RAD52: variants seen among roughly 807,000 people sequenced by gnomAD.
The protein encoded by RAD52 is RAD52 DNA repair protein.
A neutral mutation model predicts 55.5 loss-of-function variants in RAD52; 47 were observed. That is an observed-to-expected ratio of 0.85 (90% CI 0.67 to 1.08). The LOEUF is 1.08. RAD52 is among the 50% of genes least tolerant of loss of function. The probability of loss-of-function intolerance (pLI) is 0.00; values close to 1 mark genes in which losing one functional copy is unlikely to be tolerated. For synonymous variants in RAD52, 184 were observed against 198.9 expected, an observed-to-expected ratio of 0.92 and a Z score of 0.63; for missense variants, 468 against 522.8, an observed-to-expected ratio of 0.90 and a Z score of 1.02.
At chr12:915,254 A>G (rs372287090) in intron 9 of RAD52, among the ~76,000 whole-genome samples, 3 of 152,264 alleles carry the variant, frequency 2.0e-5, no homozygotes, top group African/African-American at 7.2e-5. Context: ...TTCCTCCACA[A>G]TCTACCCGGG....
Position 913,153 on chromosome 12 carries a change from G to A in RAD52, c.*238C>T. On this transcript the variant is annotated 3_prime_UTR_variant, in exon 12 of 12. Coordinates refer to ENST00000358495, the MANE Select transcript of RAD52 (RefSeq NM_134424.4). ...ATAGTGGGAAGCCTCACAAGCCGAA[G>A]AAAAGGTATTCATCTGTCCAGAGCC... 1 of 433,556 alleles carries A rather than the reference G, an allele frequency of 2.3e-6. No homozygotes were observed. 26.9% of individuals were successfully genotyped at this position (433,556 alleles called of 1,614,324 possible). A position where few individuals can be genotyped will look rare whatever the true frequency, so the allele number is the denominator to read the frequency against.
At chr12:927,681 C>T (rs910722694) in intron 5 of RAD52, among the ~76,000 whole-genome samples, 1 of 152,112 alleles carries the variant, frequency 6.6e-6, no homozygotes, top group African/African-American at 2.4e-5. Context: ...GCCTGGTCAA[C>T]ATGGTGAAAC....
At position 966,894 on chromosome 12, in the gene RAD52, G is replaced by A. The variant is rs115514263; in HGVS notation, c.-19+22915C>T. 1.3e-3 allele frequency among the ~76,000 whole-genome samples: 194 copies of A among 151,714 alleles called. 3 individuals are homozygous for A. Among genetic ancestry groups the A allele is most frequent in the African/African-American group, 4.2e-3 (174 of 41,290 alleles). The stretch of plus-strand genomic sequence containing the variant: ...TAGATATTATAACATCTATTTTACT[G>A]TTGCGTCACAAGGTAAAAAAAAAAA... On this transcript the variant is annotated intron_variant, in intron 1 of 11. Transcript: ENST00000430095.
rs906968757 is a variant in RAD52 at position 912,421 on chromosome 12, G to A, written c.*970C>T. Reference sequence around the variant, plus strand: ...TACACGAAACACAGGTGAATTCCACGTTCAGACTTGGGTCCCATCCCCAAG... The same window carrying A: ...TACACGAAACACAGGTGAATTCCACATTCAGACTTGGGTCCCATCCCCAAG... On this transcript the variant is annotated 3_prime_UTR_variant, in exon 12 of 12. Coordinates refer to ENST00000358495, the MANE Select transcript of RAD52 (RefSeq NM_134424.4). 6 of 201,462 alleles carry A rather than the reference G, an allele frequency of 3.0e-5. No homozygotes were observed. The highest frequency in any genetic ancestry group is 6.0e-5 in the Admixed American group (1 of 16,634). The allele number at this position is 201,462 out of a possible 1,614,324, so 12.5% of individuals were successfully genotyped here.
At chr12:979,260 C>T (rs556429697) in intron 1 of RAD52, among the ~76,000 whole-genome samples, 2 of 151,940 alleles carry the variant, frequency 1.3e-5, no homozygotes, top group South Asian at 2.1e-4. Flanking sequence ...GGCAACAAGG[C>T]GAAACCCCGT....
At chr12:920,538 C>T (rs1253838394) in intron 7 of RAD52, among the ~76,000 whole-genome samples, 2 of 149,230 alleles carry the variant, frequency 1.3e-5, no homozygotes, top group Non-Finnish European at 3.0e-5. Flanking sequence ...CCAGCCTGGG[C>T]GACAGAGTGA....
At chr12:935,853 CAAAAAAAT>C (rs1381171935) in intron 1 of RAD52, among the ~76,000 whole-genome samples, 5,413 of 143,002 alleles carry the variant, frequency 0.038, 198 homozygotes, top group Admixed American at 0.11. Context: ...AACTCCGTCT[CAAAAAAAT>C]AAATAAATAA....
rs1249637452 is a variant in RAD52, at chr12:920,550, A to C, written c.544-3730T>G. On this transcript the variant is annotated intron_variant, in intron 7 of 11. Coordinates refer to ENST00000358495, the MANE Select transcript of RAD52 (RefSeq NM_134424.4). Reference sequence around the variant, plus strand: ...ACTCCAGCCTGGGCGACAGAGTGAGACTCCGTCTCAAAAAAAAAAAAAAGA... The same window carrying C: ...ACTCCAGCCTGGGCGACAGAGTGAGCCTCCGTCTCAAAAAAAAAAAAAAGA... Among the ~76,000 whole-genome samples, 11 of 148,426 alleles carry C rather than the reference A, an allele frequency of 7.4e-5. No homozygotes were observed. The East Asian group carries it at 1.6e-3, about 21-fold the overall frequency.
chr12:949,378 T>TC (rs1958439559), intron 1 of RAD52: 1 of 152,060 alleles, frequency 6.6e-6, no homozygotes. Flanking sequence ...GTGCCAAGTT[T>TC]CCTGTACCCC....
chr12:929,344 A>T (rs1957206684), intron 5 of RAD52, among the ~76,000 whole-genome samples: 1 of 152,202 alleles, frequency 6.6e-6, no homozygotes, highest in African/African-American at 2.4e-5. Context: ...AGTCCACTGG[A>T]ATATTTAACA....
chr12:978,089 C>T (rs1378738021), intron 1 of RAD52, among the ~76,000 whole-genome samples: 2 of 152,238 alleles, frequency 1.3e-5, no homozygotes, highest in South Asian at 2.1e-4. Flanking sequence ...AGACTGGCTA[C>T]TGAGATACAG....
intron 9 of RAD52, among the ~76,000 whole-genome samples, chr12:915,482 C>G (rs538365545): frequency 1.2e-4 from 19 of 152,306 alleles, no homozygotes; most frequent in Non-Finnish European, 2.1e-4. Flanking sequence ...CTGAGACAAG[C>G]CCTTTCTCTG....
chr12:976,319 C>CA lies in RAD52; in HGVS notation c.-19+13489dup, dbSNP rs932022333. 3.8e-4 allele frequency: 58 copies of CA among 151,064 alleles called. 2 individuals are homozygous for CA. The highest frequency in any genetic ancestry group is 3.4e-3 in the Middle Eastern group (1 of 294). The allele number at this position is 151,064 out of a possible 1,614,324, so 9.4% of individuals were successfully genotyped here. ...TGGGCGACAGAGCAAGACTCCTTCTCAAAAAAAAAGCCCCAAACTCTTTGA... is the reference window on the plus strand; with the variant it reads ...TGGGCGACAGAGCAAGACTCCTTCTCAAAAAAAAAAGCCCCAAACTCTTTGA... On this transcript the variant is annotated intron_variant, in intron 1 of 11. Transcript: ENST00000430095.
chr12:913,797 A>G (rs75886837), intron 11 of RAD52, 97 bp downstream of exon 11: 1 of 1,162,958 alleles, frequency 8.6e-7, no homozygotes, highest in Non-Finnish European at 1.3e-6. Context: ...TCCCGATTCT[A>G]TCAAACTTTA....
chr12:962,136 AG>A (rs71055110), intron 1 of RAD52, among the ~76,000 whole-genome samples: 21,971 of 152,154 alleles, frequency 0.14, 1,698 homozygotes, highest in Non-Finnish European at 0.18. Flanking sequence ...AGAAGCAGAG[AG>A]AAGAAAATGT....
At chr12:941,491 T>C (rs996876084) in intron 1 of RAD52, among the ~76,000 whole-genome samples, 2 of 151,956 alleles carry the variant, frequency 1.3e-5, no homozygotes, top group Admixed American at 6.6e-5. Context: ...GCAAATTTTG[T>C]ATTTTTCGTA....
At chr12:941,958 T>G (rs1232551616) in intron 1 of RAD52, among the ~76,000 whole-genome samples, 1 of 152,100 alleles carries the variant, frequency 6.6e-6, no homozygotes, top group Non-Finnish European at 1.5e-5. Context: ...TTTAAAAGGC[T>G]TAAATAAGAA....
chr12:983,714 G>A (rs1004766596), intron 1 of RAD52, among the ~76,000 whole-genome samples: 1 of 152,098 alleles, frequency 6.6e-6, no homozygotes, highest in East Asian at 1.9e-4. Context: ...GCCACCGCAC[G>A]CGGCCGGCTG....
chr12:917,277 G>T (rs1222663080), intron 7 of RAD52, among the ~76,000 whole-genome samples: 1 of 152,194 alleles, frequency 6.6e-6, no homozygotes, highest in Non-Finnish European at 1.5e-5. Flanking sequence ...GAACCCTTGG[G>T]AGGCACGGAC....
Sources: allele counts gnomAD v4.1 joint callset (sites outside exome capture counted in the v4.1 genomes callset), GRCh38; gene constraint gnomAD v4.1.1; transcripts MANE v1.5; gene names NCBI Gene and HGNC (gene_info 2026-07-23, HGNC 2026-07-21).